The following CAMK4 variants were observed in gnomAD, a reference collection of about 807,000 sequenced individuals.
The protein encoded by CAMK4 is calcium/calmodulin-dependent protein kinase type IV.
Under a neutral mutation model 44.9 loss-of-function variants are expected in CAMK4, and 22 were observed. The ratio of observed to expected loss-of-function variants is 0.49; its 90% CI spans 0.35 to 0.70. The LOEUF is 0.70. Among genes scored for constraint, CAMK4 ranks in the 30% least tolerant of loss-of-function variants. The pLI, the probability that CAMK4 is intolerant of heterozygous loss-of-function variation, is 0.01. For synonymous variants in CAMK4, 218 were observed against 215.4 expected (o/e 1.01, Z -0.11); for missense variants, 498 against 586.8 (o/e 0.85, Z 1.56).
rs78457300 is a variant in CAMK4 at position 111,253,955 on chromosome 5, A to G, written c.161+29311A>G. ...TTATAAATTATCTGTAATGTTATAT[A>G]TAAGCATTTTCTTTTCACCTGGAAA... On this transcript the variant is annotated intron_variant, in intron 1 of 10. Coordinates refer to ENST00000282356, the MANE Select transcript of CAMK4 (RefSeq NM_001744.6). Among the ~76,000 whole-genome samples, 1,442 of 152,330 alleles carry G rather than the reference A, an allele frequency of 9.5e-3. 17 individuals are homozygous for G. Among genetic ancestry groups the G allele is most frequent in the African/African-American group, 0.025 (1,040 of 41,574 alleles).
chr5:111,407,444 T>G (rs1279953332), intron 5 of CAMK4, among the ~76,000 whole-genome samples: 1 of 151,670 alleles, frequency 6.6e-6, no homozygotes, highest in African/African-American at 2.4e-5. Flanking sequence ...CAGAAAGGCA[T>G]GCACTGTTTC....
At chr5:111,402,285 G>A (rs1216522761) in intron 5 of CAMK4, among the ~76,000 whole-genome samples, 1 of 152,160 alleles carries the variant, frequency 6.6e-6, no homozygotes, top group Non-Finnish European at 1.5e-5. Flanking sequence ...TTTTAGGTTT[G>A]GAGACAATAG....
At chr5:111,336,096 A>G (rs1250799268) in intron 1 of CAMK4, among the ~76,000 whole-genome samples, 1 of 151,370 alleles carries the variant, frequency 6.6e-6, no homozygotes, top group Non-Finnish European at 1.5e-5. Flanking sequence ...CATCAAATTC[A>G]TGGCAGAAAA....
Position 111,482,820 on chromosome 5 carries a change from G to A in CAMK4, c.864G>A (p.Arg288=). Residue 288 remains arginine, a synonymous_variant, in exon 10 of 11, where the codon CGG becomes CGA. Coordinates refer to ENST00000282356, the MANE Select transcript of CAMK4 (RefSeq NM_001744.6). The surrounding 1 kb of genome is among the most constrained non-coding windows in gnomAD (Gnocchi z 4.9). The part of the protein sequence containing the change: ...RKLIVLDPKK[R]LTTFQALQHP... ...TAATTGTTTTGGATCCAAAGAAACG[G>A]CTGACTACATTTCAAGCTCTCCAGC... 6.2e-7 allele frequency: 1 copy of A among 1,612,006 alleles called. No individual in the cohort carries two copies. The highest frequency in any genetic ancestry group is 1.3e-5 in the African/African-American group (1 of 74,896).
intron 1 of CAMK4, among the ~76,000 whole-genome samples, chr5:111,277,176 G>C (rs1370027557): frequency 6.6e-6 from 1 of 152,178 alleles, no homozygotes; most frequent in Non-Finnish European, 1.5e-5. Context: ...CAGACAGAAC[G>C]CATGAAGCTC....
intron 1 of CAMK4, among the ~76,000 whole-genome samples, chr5:111,252,965 A>G (rs1307843186): frequency 6.6e-6 from 1 of 152,366 alleles, no homozygotes. Flanking sequence ...TGGACAATGC[A>G]GAAAGAGATA....
At chr5:111,338,379 T>C (rs1289734937) in intron 1 of CAMK4, among the ~76,000 whole-genome samples, 1 of 151,196 alleles carries the variant, frequency 6.6e-6, no homozygotes, top group African/African-American at 2.4e-5. Flanking sequence ...CTCCCTAGTG[T>C]CTCCACTCCA....
At chr5:111,434,602 G>A (rs968045427) in intron 5 of CAMK4, among the ~76,000 whole-genome samples, 4 of 152,170 alleles carry the variant, frequency 2.6e-5, no homozygotes, top group African/African-American at 7.2e-5. Context: ...AGCTGGTCAT[G>A]GGAGATAGTA....
At position 111,342,019 on chromosome 5, in the gene CAMK4, G is replaced by A. The variant is rs74634525; in HGVS notation, c.162-2005G>A. 8.8e-3 allele frequency among the ~76,000 whole-genome samples: 1,336 copies of A among 151,424 alleles called. 20 individuals carry two copies. The highest frequency in any genetic ancestry group is 0.03 in the African/African-American group (1,249 of 41,396). ...ATTCTTTCTTCAACACCGCTCTCTC[G>A]ATTACTGTAGCTTTATAGTAAGTCT... On this transcript the variant is annotated intron_variant, in intron 1 of 10. Coordinates refer to ENST00000282356, the MANE Select transcript of CAMK4 (RefSeq NM_001744.6).
intron 1 of CAMK4, among the ~76,000 whole-genome samples, chr5:111,228,893 T>C (rs1192578154): frequency 6.6e-6 from 1 of 152,132 alleles, no homozygotes; most frequent in Non-Finnish European, 1.5e-5. Context: ...TTCTAAACAT[T>C]TTGGAAAAAC....
intron 1 of CAMK4, among the ~76,000 whole-genome samples, chr5:111,278,339 T>C (rs1750860893): frequency 6.6e-6 from 1 of 152,152 alleles, no homozygotes; most frequent in African/African-American, 2.4e-5. Flanking sequence ...ATTTATGCAA[T>C]AGTCAGTTTC....
rs999240584 is a variant in CAMK4, at chr5:111,271,098, A to G, written c.161+46454A>G. The stretch of plus-strand genomic sequence containing the variant: ...TGGGGGAAACCACCTCCATGATCCA[A>G]TCACCTCCTACCAGGTCCCTCCCTT... On this transcript the variant is annotated intron_variant, in intron 1 of 10. Coordinates refer to ENST00000282356, the MANE Select transcript of CAMK4 (RefSeq NM_001744.6). 5.3e-5 allele frequency among the ~76,000 whole-genome samples: 8 copies of G among 152,244 alleles called. No individual in the cohort carries two copies. In the South Asian group the frequency reaches 1.5e-3, roughly 28 times the overall value.
rs1232548245 is a variant in CAMK4, at chr5:111,443,243, CATATATATATAT to C, written c.460-3417_460-3406del. 8.0e-3 allele frequency among the ~76,000 whole-genome samples: 578 copies of C among 72,190 alleles called. 6 individuals carry two copies. Among genetic ancestry groups the C allele is most frequent in the African/African-American group, 0.027 (552 of 20,302 alleles). 47.4% of individuals were successfully genotyped at this position (72,190 alleles called of 152,430 possible). ...GATATATTTAAATGCCTCCCCCTACCATATATATATATATATATATATATATATATATATATA... is the reference window on the plus strand; with the variant it reads ...GATATATTTAAATGCCTCCCCCTACCATATATATATATATATATATATATA... On this transcript the variant is annotated intron_variant, in intron 5 of 10. Coordinates refer to ENST00000282356, the MANE Select transcript of CAMK4 (RefSeq NM_001744.6).
In CAMK4 at chr5:111,491,910, C is replaced by T. The variant is rs1755850821; in HGVS notation, c.*7444C>T. On this transcript the variant is annotated 3_prime_UTR_variant, in exon 11 of 11. Coordinates refer to ENST00000282356, the MANE Select transcript of CAMK4 (RefSeq NM_001744.6). The stretch of plus-strand genomic sequence containing the variant: ...TGTGGCATTATATGACAATGACTTT[C>T]TCAACAATAGCTCAGGGAATACGCA... 6.6e-6 allele frequency: 1 copy of T among 152,130 alleles called. No homozygotes were observed. The highest frequency in any genetic ancestry group is 1.5e-5 in the Non-Finnish European group (1 of 68,014). 9.4% of individuals were successfully genotyped at this position (152,130 alleles called of 1,614,324 possible). A position where few individuals can be genotyped will look rare whatever the true frequency, so the allele number is the denominator to read the frequency against.
intron 1 of CAMK4, among the ~76,000 whole-genome samples, chr5:111,321,874 T>G (rs978255747): frequency 6.6e-6 from 1 of 152,148 alleles, no homozygotes; most frequent in Admixed American, 6.6e-5. Context: ...TTAATCTCCT[T>G]CAATCACAAG....
At chr5:111,346,105 G>T (rs1749851961) in intron 2 of CAMK4, among the ~76,000 whole-genome samples, 1 of 151,912 alleles carries the variant, frequency 6.6e-6, no homozygotes, top group South Asian at 2.1e-4. Flanking sequence ...AAGACCAGTT[G>T]CCTCTAGCGT....
At chr5:111,428,336 C>T (rs1351059171) in intron 5 of CAMK4, among the ~76,000 whole-genome samples, 1 of 152,186 alleles carries the variant, frequency 6.6e-6, no homozygotes, top group Non-Finnish European at 1.5e-5. Context: ...CAAAAAACAT[C>T]TGCTAGCATC....
At chr5:111,483,062 G>T in intron 10 of CAMK4, 125 bp downstream of exon 10, 1 of 795,372 alleles carries the variant, frequency 1.3e-6, no homozygotes. Context: ...AGGCACCAGG[G>T]AAAATCCTGC....
chr5:111,299,020 T>C (rs1438293303), intron 1 of CAMK4, among the ~76,000 whole-genome samples: 1 of 152,216 alleles, frequency 6.6e-6, no homozygotes. Flanking sequence ...GGGATCCTAG[T>C]AGTGAGCTGT....
Sources: allele counts gnomAD v4.1 joint callset (sites outside exome capture counted in the v4.1 genomes callset), GRCh38; gene constraint gnomAD v4.1.1; non-coding constraint Gnocchi (gnomAD v3.1); transcripts MANE v1.5; gene names NCBI Gene and HGNC (gene_info 2026-07-23, HGNC 2026-07-21).